The following CSMD1 variants were observed in gnomAD, a reference collection of about 807,000 sequenced individuals.
CSMD1 encodes the protein CUB and Sushi multiple domains 1, also known as CUB and sushi domain-containing protein 1.
CSMD1 carries 213 observed loss-of-function variants against 417.5 expected under a neutral mutation model. That is an observed-to-expected ratio of 0.51 (90% CI 0.46 to 0.57). The LOEUF is 0.57. Among genes scored for constraint, CSMD1 ranks in the 20% least tolerant of loss-of-function variants. The probability of loss-of-function intolerance (pLI) is 0.00; values close to 1 mark genes in which losing one functional copy is unlikely to be tolerated. For synonymous variants in CSMD1, 2,862 were observed against 1,736.8 expected (o/e 1.65, Z -16.11); for missense variants, 6,923 against 4,529.7 (o/e 1.53, Z -15.17).
chr8:3,626,769 A>C (rs141226723), intron 7 of CSMD1, among the ~76,000 whole-genome samples: 1,954 of 150,470 alleles, frequency 0.013, 46 homozygotes, highest in African/African-American at 0.045. Context: ...ATGTATTCAG[A>C]ATAAGAGAAT....
intron 2 of CSMD1, among the ~76,000 whole-genome samples, chr8:4,569,549 T>C (rs1209227336): frequency 6.6e-6 from 1 of 152,210 alleles, no homozygotes; most frequent in African/African-American, 2.4e-5. Context: ...TACTCTTGTC[T>C]TGTAATATAG....
chr8:3,789,118 G>A (rs1429661638), intron 5 of CSMD1, among the ~76,000 whole-genome samples: 1 of 152,114 alleles, frequency 6.6e-6, no homozygotes, highest in East Asian at 1.9e-4. Context: ...CCTTTGGAAG[G>A]TGACTAAGTC....
intron 1 of CSMD1, among the ~76,000 whole-genome samples, chr8:4,714,055 G>C (rs1010057913): frequency 1.1e-4 from 16 of 152,064 alleles, no homozygotes; most frequent in Non-Finnish European, 2.2e-4. Context: ...TGAGGCAGGA[G>C]GATCACCTGA....
chr8:4,458,534 T>A (rs181702589), intron 2 of CSMD1, among the ~76,000 whole-genome samples: 1 of 152,254 alleles, frequency 6.6e-6, no homozygotes, highest in Non-Finnish European at 1.5e-5. Flanking sequence ...AAGAGGTATG[T>A]ATTTTCTTAA....
chr8:3,335,887 G>A (rs922319250), intron 23 of CSMD1, among the ~76,000 whole-genome samples: 1 of 152,160 alleles, frequency 6.6e-6, no homozygotes, highest in African/African-American at 2.4e-5. Flanking sequence ...AGTTCAAAGA[G>A]CAGAAGGTAG....
intron 5 of CSMD1, among the ~76,000 whole-genome samples, chr8:3,887,195 G>T (rs552555271): frequency 6.6e-6 from 1 of 152,258 alleles, no homozygotes; most frequent in East Asian, 1.9e-4. Flanking sequence ...CAAGCGCCCA[G>T]AGGCAATCAG....
At chr8:3,159,186 A>G (rs904820823) in intron 38 of CSMD1, among the ~76,000 whole-genome samples, 4 of 152,144 alleles carry the variant, frequency 2.6e-5, no homozygotes, top group African/African-American at 9.7e-5. Context: ...AGTCTCAAAA[A>G]ATTTTCATCA....
At chr8:4,594,252 G>A (rs1167171290) in intron 2 of CSMD1, among the ~76,000 whole-genome samples, 2 of 131,206 alleles carry the variant, frequency 1.5e-5, no homozygotes, top group East Asian at 4.6e-4. Context: ...TACCCAGGCT[G>A]GAGTGCAGTG....
chr8:2,940,219 C>T (rs531048800), intron 69 of CSMD1, among the ~76,000 whole-genome samples: 3 of 152,200 alleles, frequency 2.0e-5, no homozygotes, highest in Non-Finnish European at 4.4e-5. Flanking sequence ...GATTGATGTG[C>T]TGCTGGCAAC....
At position 3,982,353 on chromosome 8, in the gene CSMD1, G is replaced by C. The variant is rs186085089; in HGVS notation, c.818+15550C>G. On this transcript the variant is annotated intron_variant, in intron 5 of 69. Coordinates refer to ENST00000635120, the MANE Select transcript of CSMD1 (RefSeq NM_033225.6). ...GCCTCAATATTCTCACCTGCAAAAT[G>C]AGGATAATCCTTGTACAAACCTCCA... 5.5e-4 allele frequency among the ~76,000 whole-genome samples: 84 copies of C among 151,862 alleles called. No individual in the cohort carries two copies. The East Asian group carries it at 9.9e-3, about 18-fold the overall frequency.
At chr8:3,790,884 C>G (rs898927897) in intron 5 of CSMD1, among the ~76,000 whole-genome samples, 1 of 152,088 alleles carries the variant, frequency 6.6e-6, no homozygotes, top group East Asian at 1.9e-4. Context: ...TGGAAACTGT[C>G]GCTAATGAAT....
In CSMD1 at chr8:3,343,443, T is replaced by C. The variant is rs1310925220; in HGVS notation, c.3482A>G (p.Asp1161Gly). The C allele has an allele frequency of 6.2e-7, 1 of 1,612,380 alleles. No homozygotes were observed. Among genetic ancestry groups the C allele is most frequent in the Non-Finnish European group, 8.5e-7 (1 of 1,178,726 alleles). Reference protein sequence around the residue: ...LFEGDTLKVYDGKDSSSRPLG... With the variant: ...LFEGDTLKVYGGKDSSSRPLG... ...TGGACGTGAGGAACTGTCTTTTCCA[T>C]CATATACCTGATGAAAATTCACAGC... The change falls in exon 23 of 70, where the codon GAT becomes GGT. Residue 1161 changes from aspartate to glycine, a missense_variant. By Grantham distance (94) the Asp-to-Gly change is moderately conservative. Coordinates refer to ENST00000635120, the MANE Select transcript of CSMD1 (RefSeq NM_033225.6).
chr8:4,757,874 G>A (rs1005060145), intron 1 of CSMD1, among the ~76,000 whole-genome samples: 5 of 149,320 alleles, frequency 3.3e-5, no homozygotes, highest in East Asian at 4.0e-4. Context: ...CAGAAGAATC[G>A]CTTGAACCTG....
intron 1 of CSMD1, among the ~76,000 whole-genome samples, chr8:4,921,613 T>G (rs1046518368): frequency 6.6e-6 from 1 of 152,220 alleles, no homozygotes; most frequent in Non-Finnish European, 1.5e-5. Context: ...CCTTTTATTT[T>G]ACTCAGATAA....
Position 4,866,907 on chromosome 8 carries a change from C to T in CSMD1, c.85+127425G>A, listed in dbSNP as rs185077081. Among the ~76,000 whole-genome samples the T allele has an allele frequency of 9.4e-4, 142 of 151,776 alleles. 1 individual carries two copies. The highest frequency in any genetic ancestry group is 6.0e-3 in the Admixed American group (91 of 15,248). Reference sequence around the variant, plus strand: ...ACCTCCTTAATTATAATTTATTTGCCATTATTTTAATGGCAAAAACCACAA... The same window carrying T: ...ACCTCCTTAATTATAATTTATTTGCTATTATTTTAATGGCAAAAACCACAA... On this transcript the variant is annotated intron_variant, in intron 1 of 69. Coordinates refer to ENST00000635120, the MANE Select transcript of CSMD1 (RefSeq NM_033225.6).
At chr8:3,710,114 A>C (rs758395136) in intron 6 of CSMD1, among the ~76,000 whole-genome samples, 1 of 137,430 alleles carries the variant, frequency 7.3e-6, no homozygotes, top group Non-Finnish European at 1.6e-5. Flanking sequence ...CATTCATGAC[A>C]CACCTTTTTG....
At chr8:4,453,700 T>G (rs908428293) in intron 2 of CSMD1, among the ~76,000 whole-genome samples, 3 of 151,864 alleles carry the variant, frequency 2.0e-5, no homozygotes, top group Non-Finnish European at 4.4e-5. Context: ...CCTGCTTGGG[T>G]ATGCACAGGC....
intron 1 of CSMD1, among the ~76,000 whole-genome samples, chr8:4,836,139 T>G (rs190494758): frequency 1.6e-4 from 24 of 152,268 alleles, no homozygotes; most frequent in Admixed American, 5.2e-4. Flanking sequence ...AAATATAGGT[T>G]TTATAAGGCT....
At chr8:4,919,030 G>A (rs188032717) in intron 1 of CSMD1, among the ~76,000 whole-genome samples, 214 of 152,254 alleles carry the variant, frequency 1.4e-3, no homozygotes, top group South Asian at 1.7e-3. Context: ...CTTAGGTGCA[G>A]GGACGAATGT....
Sources: gnomAD v4.1 joint callset for allele counts (sites outside exome capture counted in the v4.1 genomes callset) on GRCh38, gnomAD v4.1.1 for gene constraint, MANE v1.5 for transcripts, NCBI Gene and HGNC (gene_info 2026-07-23, HGNC 2026-07-21) for gene names.